GRIA2: variants seen among roughly 807,000 people sequenced by gnomAD.
GRIA2 encodes the protein glutamate receptor 2.
A neutral mutation model predicts 97.3 loss-of-function variants in GRIA2; 14 were observed. The observed-to-expected ratio is 0.14, with a 90% CI of 0.10 to 0.23. GRIA2 has a LOEUF of 0.23. GRIA2 is among the 10% of genes least tolerant of loss of function. GRIA2 has a pLI of 1.00. For synonymous variants in GRIA2, 412 were observed against 387.8 expected, an observed-to-expected ratio of 1.06 and a Z score of -0.73; for missense variants, 558 against 1,069.8, an observed-to-expected ratio of 0.52 and a Z score of 6.67.
chr4:157,311,426 C>T (rs1218245646), intron 3 of GRIA2, among the ~76,000 whole-genome samples: 1 of 151,830 alleles, frequency 6.6e-6, no homozygotes, highest in East Asian at 1.9e-4. Context: ...GAGTTCCTTC[C>T]CTTCTGGTGT....
chr4:157,336,663 A>C lies in GRIA2; in HGVS notation c.1760A>C (p.Glu587Ala), dbSNP rs1735300357. Residue 587 changes from glutamate to alanine, a missense_variant, in exon 11 of 16, where the codon GAA becomes GCA. Coordinates refer to ENST00000264426, the MANE Select transcript of GRIA2 (RefSeq NM_001083619.3). Reference protein sequence around the residue: ...FEDGRETQSSESTNEFGIFNS... With the variant: ...FEDGRETQSSASTNEFGIFNS... ...GATGGAAGAGAAACACAAAGTAGTGAATCAACTAATGAATTTGGGATTTTT... is the reference window on the plus strand; with the variant it reads ...GATGGAAGAGAAACACAAAGTAGTGCATCAACTAATGAATTTGGGATTTTT... The C allele has an allele frequency of 1.9e-6, 3 of 1,612,946 alleles. No individual in the cohort carries two copies. The highest frequency in any genetic ancestry group is 2.5e-6 in the Non-Finnish European group (3 of 1,179,266).
At chr4:157,281,165 C>G (rs1023924092) in intron 2 of GRIA2, among the ~76,000 whole-genome samples, 1 of 152,046 alleles carries the variant, frequency 6.6e-6, no homozygotes, top group Non-Finnish European at 1.5e-5. Flanking sequence ...ATAACAGAAA[C>G]AGGAGGCACA....
rs776037451 is a variant in GRIA2 at position 157,221,641 on chromosome 4, T to TCTTG, written c.89-19_89-16dup. 48 of 1,612,652 alleles carry TCTTG rather than the reference T, an allele frequency of 3.0e-5. No homozygotes were observed. The South Asian group carries it at 4.5e-4, about 15-fold the overall frequency. On this transcript the variant is annotated intron_variant, in intron 1 of 15. Coordinates refer to ENST00000264426, the MANE Select transcript of GRIA2 (RefSeq NM_001083619.3). ...CCCTCCCGGGGCACTGACACTGTTCTCTTGCTTGCTGTTTGTTCTTTGCAG... is the reference window on the plus strand; with the variant it reads ...CCCTCCCGGGGCACTGACACTGTTCTCTTGCTTGCTTGCTGTTTGTTCTTTGCAG...
Position 157,306,853 on chromosome 4 carries a change from A to G in GRIA2, c.469+3062A>G, listed in dbSNP as rs150301747. The stretch of plus-strand genomic sequence containing the variant: ...CCGAAATCATTTTGCTTATGCTTCA[A>G]AGTAGGCACCTCCTTGCTTTAGTGT... On this transcript the variant is annotated intron_variant, in intron 3 of 15. Coordinates refer to ENST00000264426, the MANE Select transcript of GRIA2 (RefSeq NM_001083619.3). 1.7e-4 allele frequency among the ~76,000 whole-genome samples: 26 copies of G among 152,262 alleles called. No individual in the cohort carries two copies. In the East Asian group the frequency reaches 4.4e-3, roughly 26 times the overall value.
chr4:157,280,906 G>C (rs944459728), intron 2 of GRIA2, among the ~76,000 whole-genome samples: 1 of 151,780 alleles, frequency 6.6e-6, no homozygotes, highest in Non-Finnish European at 1.5e-5. Context: ...TGATGATTCA[G>C]GTAAAGATAC....
chr4:157,276,480 TGAA>T (rs1732318632), intron 2 of GRIA2, among the ~76,000 whole-genome samples: 2 of 151,712 alleles, frequency 1.3e-5, no homozygotes, highest in African/African-American at 4.8e-5. Context: ...AACTGGATAA[TGAA>T]GAGCAAATAA....
chr4:157,361,978 T>A lies in GRIA2; in HGVS notation c.2407-821T>A, dbSNP rs1736650650. 6.6e-6 allele frequency among the ~76,000 whole-genome samples: 1 copy of A among 152,136 alleles called. No homozygotes were observed. Among genetic ancestry groups the A allele is most frequent in the Non-Finnish European group, 1.5e-5 (1 of 68,016 alleles). ...AGAACATTAATGAAACACTTAAGAT[T>A]AAGTGATTATAGGGATGTGTGTTTT... On this transcript the variant is annotated intron_variant, in intron 14 of 15. Transcript: ENST00000264426. This position sits in a 1 kb window ranked among gnomAD's most constrained non-coding sequence, Gnocchi z 5.2.
At chr4:157,253,625 A>T (rs1406781162) in intron 2 of GRIA2, among the ~76,000 whole-genome samples, 1 of 152,110 alleles carries the variant, frequency 6.6e-6, no homozygotes, top group East Asian at 1.9e-4. Context: ...AGAACTTAAA[A>T]TTTTGTTTGA....
rs1386127731 is a variant in GRIA2, at chr4:157,364,476, T to C, written c.*1045T>C. The C allele has an allele frequency of 6.6e-6, 1 of 151,614 alleles. No homozygotes were observed. Among genetic ancestry groups the C allele is most frequent in the Non-Finnish European group, 1.5e-5 (1 of 67,816 alleles). 9.4% of individuals were successfully genotyped at this position (151,614 alleles called of 1,614,324 possible). ...TCTTTTTGACATGTCTAAATATATA[T>C]ATATATAAAGAAATATTTGTTAACA... is the stretch of plus-strand genomic sequence containing the variant. On this transcript the variant is annotated 3_prime_UTR_variant, in exon 16 of 16. Transcript: ENST00000264426.
intron 12 of GRIA2, among the ~76,000 whole-genome samples, chr4:157,356,605 A>G (rs1048838969): frequency 6.6e-6 from 1 of 152,040 alleles, no homozygotes; most frequent in Non-Finnish European, 1.5e-5. Context: ...TTTGATTTGC[A>G]TTTTCTTTAC....
intron 2 of GRIA2, among the ~76,000 whole-genome samples, chr4:157,303,285 T>A (rs1039099564): frequency 1.3e-5 from 2 of 152,206 alleles, no homozygotes; most frequent in African/African-American, 4.8e-5. Context: ...TCCTAAAATA[T>A]GTTAATACTT....
At chr4:157,344,423 A>C (rs1250011378) in intron 12 of GRIA2, among the ~76,000 whole-genome samples, 1 of 152,114 alleles carries the variant, frequency 6.6e-6, no homozygotes, top group Non-Finnish European at 1.5e-5. Flanking sequence ...ACTGATTATT[A>C]TGGTGCCCAG....
At position 157,359,985 on chromosome 4, in the gene GRIA2, G is replaced by A; in HGVS notation, c.2133G>A (p.Val711=). 3 of 1,613,924 alleles carry A rather than the reference G, an allele frequency of 1.9e-6. No homozygotes were observed. The highest frequency in any genetic ancestry group is 2.5e-6 in the Non-Finnish European group (3 of 1,179,906). Residue 711 remains valine, a synonymous_variant, in exon 13 of 16, where the codon GTG becomes GTA. Transcript: ENST00000264426. ...SVFVRTTAEG[V]ARVRKSKGKY... Reference sequence around the variant, plus strand: ...TTGTGAGGACTACGGCCGAAGGGGTGGCTAGAGTGCGGAAGTCCAAAGGGA... The same window carrying A: ...TTGTGAGGACTACGGCCGAAGGGGTAGCTAGAGTGCGGAAGTCCAAAGGGA...
chr4:157,298,611 CTTTTTTTTTTTTTT>C (rs67497887), intron 2 of GRIA2, among the ~76,000 whole-genome samples: 1 of 34,320 alleles, frequency 2.9e-5, no homozygotes, highest in Middle Eastern at 0.026. Context: ...TGAAGCTAAG[CTTTTTTTTTTTTTT>C]TTTTTTTTTT....
intron 3 of GRIA2, among the ~76,000 whole-genome samples, chr4:157,309,119 G>A (rs1733962239): frequency 6.6e-6 from 1 of 152,080 alleles, no homozygotes; most frequent in African/African-American, 2.4e-5. Flanking sequence ...GTTGTTAGGA[G>A]ATAATTTAAT....
intron 12 of GRIA2, among the ~76,000 whole-genome samples, chr4:157,345,697 G>T (rs575889823): frequency 6.6e-6 from 1 of 152,088 alleles, no homozygotes; most frequent in Non-Finnish European, 1.5e-5. Context: ...TTAACTTGCA[G>T]ATAGGAAGTA....
intron 12 of GRIA2, among the ~76,000 whole-genome samples, chr4:157,348,114 CAA>C (rs1383997345): frequency 1.4e-5 from 2 of 140,436 alleles, no homozygotes; most frequent in Admixed American, 7.2e-5. Context: ...GGCTCTGTCT[CAA>C]AAAAAAAAAG....
At chr4:157,299,504 T>C (rs944003288) in intron 2 of GRIA2, among the ~76,000 whole-genome samples, 1 of 152,164 alleles carries the variant, frequency 6.6e-6, no homozygotes, top group Admixed American at 6.5e-5. Context: ...ACATACTCAG[T>C]TCTTCTCCCT....
chr4:157,225,703 T>C (rs1729712938), intron 2 of GRIA2, among the ~76,000 whole-genome samples: 1 of 151,668 alleles, frequency 6.6e-6, no homozygotes, highest in Admixed American at 6.6e-5. Flanking sequence ...GCCTTTAGTG[T>C]GCATTGGTAG....
Sources: gnomAD v4.1 joint callset for allele counts (sites outside exome capture counted in the v4.1 genomes callset) on GRCh38, gnomAD v4.1.1 for gene constraint, Gnocchi (gnomAD v3.1) non-coding constraint, MANE v1.5 for transcripts, NCBI Gene and HGNC (gene_info 2026-07-23, HGNC 2026-07-21) for gene names.